Variants in SCN8A observed in about 807,000 individuals in gnomAD.
SCN8A encodes the protein sodium voltage-gated channel alpha subunit 8.
In SCN8A, 30 loss-of-function variants were observed where a neutral mutation model predicts 184.1. That is an observed-to-expected ratio of 0.16 (90% CI 0.12 to 0.22). The LOEUF is 0.22. SCN8A is among the 10% of genes least tolerant of loss of function. SCN8A has a pLI of 1.00. For synonymous variants in SCN8A, 852 were observed against 907.0 expected (o/e 0.94, Z 1.09); for missense variants, 1,057 against 2,498.9 (o/e 0.42, Z 12.30).
At chr12:51,700,973 T>C (rs1010653264) in intron 7 of SCN8A, among the ~76,000 whole-genome samples, 171 bp from the exon 8 acceptor site, 2 of 152,210 alleles carry the variant, frequency 1.3e-5, no homozygotes, top group African/African-American at 4.8e-5. Flanking sequence ...TAAATATATA[T>C]AAGAAAATCA....
At chr12:51,763,654 TGAAA>T (rs1268399422) in intron 15 of SCN8A, among the ~76,000 whole-genome samples, 19 of 152,236 alleles carry the variant, frequency 1.2e-4, no homozygotes, top group African/African-American at 4.3e-4. Context: ...AAAATGACTC[TGAAA>T]GAATAGTTAA....
chr12:51,714,414 ATATT>A (rs1941932589), intron 11 of SCN8A, among the ~76,000 whole-genome samples: 3 of 152,346 alleles, frequency 2.0e-5, no homozygotes, highest in African/African-American at 7.2e-5. Flanking sequence ...TTTTAAAACT[ATATT>A]TATTATTACC....
rs371263716 is a variant in SCN8A, at chr12:51,755,036, A to G, written c.2370+3443A>G. Among the ~76,000 whole-genome samples, 178 of 152,322 alleles carry G rather than the reference A, an allele frequency of 1.2e-3. No homozygotes were observed. In the Middle Eastern group the frequency reaches 0.014, roughly 12 times the overall value. ...TAGATTTTTGGAAACTGTGACTTTA[A>G]GCTAAATGATATACTGTATAACAAA... is the stretch of plus-strand genomic sequence containing the variant. On this transcript the variant is annotated intron_variant, in intron 14 of 26. Coordinates refer to ENST00000627620, the MANE Select transcript of SCN8A (RefSeq NM_001330260.2).
intron 1 of SCN8A, 35 bp from the exon 2 acceptor site, chr12:51,662,729 T>G: frequency 7.5e-7 from 1 of 1,326,580 alleles, no homozygotes; most frequent in Non-Finnish European, 1.0e-6. Flanking sequence ...AGAGCAGTGA[T>G]TGATTAATGC....
chr12:51,657,054 G>A (rs1208360869), intron 1 of SCN8A, among the ~76,000 whole-genome samples: 2 of 152,104 alleles, frequency 1.3e-5, no homozygotes, highest in Admixed American at 6.5e-5. Context: ...AAGTACATGT[G>A]TGTGCACTGT....
intron 20 of SCN8A, among the ~76,000 whole-genome samples, chr12:51,777,813 A>G (rs1169384522): frequency 6.6e-6 from 1 of 152,208 alleles, no homozygotes; most frequent in Non-Finnish European, 1.5e-5. Flanking sequence ...CTCAAAGCTT[A>G]GTTTCTTGCA....
intron 13 of SCN8A, among the ~76,000 whole-genome samples, chr12:51,746,500 C>T (rs781703447): frequency 1.5e-4 from 23 of 152,158 alleles, no homozygotes; most frequent in Non-Finnish European, 3.1e-4. Context: ...ATGTACTGTG[C>T]GTTTTGATTG....
rs201497362 is a variant in SCN8A at position 51,731,601 on chromosome 12, G to A, written c.1998+9693G>A. ...GGCATATACCCAGTAGTGGGATTCC[G>A]GATCGTAAGGTAGCTCTATTTTTAG... On this transcript the variant is annotated intron_variant, in intron 12 of 26. Transcript: ENST00000627620. 2.2e-4 allele frequency among the ~76,000 whole-genome samples: 34 copies of A among 152,130 alleles called. 7 individuals carry two copies. The highest frequency in any genetic ancestry group is 7.9e-4 in the African/African-American group (33 of 41,520).
chr12:51,647,069 C>T (rs1940606749), intron 1 of SCN8A, among the ~76,000 whole-genome samples: 1 of 152,128 alleles, frequency 6.6e-6, no homozygotes, highest in South Asian at 2.1e-4. Flanking sequence ...TAAGTACTAA[C>T]TTGGTGGCAT....
At chr12:51,739,927 A>G (rs1160428000) in intron 12 of SCN8A, among the ~76,000 whole-genome samples, 1 of 152,278 alleles carries the variant, frequency 6.6e-6, no homozygotes, top group African/African-American at 2.4e-5. Context: ...ACAGCAAACC[A>G]GTCATTAGCA....
chr12:51,680,015 C>CTT (rs1328868747), intron 2 of SCN8A, among the ~76,000 whole-genome samples: 1 of 151,956 alleles, frequency 6.6e-6, no homozygotes, highest in Non-Finnish European at 1.5e-5. Context: ...GACTATCTTG[C>CTT]TTTTCAAAAA....
At position 51,807,632 on chromosome 12, in the gene SCN8A, T is replaced by TA; in HGVS notation, c.*204dup. 1 of 612,652 alleles carries TA rather than the reference T, an allele frequency of 1.6e-6. No homozygotes were observed. 38.0% of individuals were successfully genotyped at this position (612,652 alleles called of 1,614,324 possible). A position where few individuals can be genotyped will look rare whatever the true frequency, so the allele number is the denominator to read the frequency against. On this transcript the variant is annotated 3_prime_UTR_variant, in exon 27 of 27. Transcript: ENST00000627620. This position sits in a 1 kb window ranked among gnomAD's most constrained non-coding sequence, Gnocchi z 4.5. ...GGCAAAGGACCCCGCTCCCTAGACTTACAGATTTTCTAATGCTTGGGCAGG... is the reference window on the plus strand; with the variant it reads ...GGCAAAGGACCCCGCTCCCTAGACTTAACAGATTTTCTAATGCTTGGGCAGG...
At chr12:51,606,580 T>C (rs777730824) in intron 1 of SCN8A, among the ~76,000 whole-genome samples, 1 of 152,196 alleles carries the variant, frequency 6.6e-6, no homozygotes, top group Non-Finnish European at 1.5e-5. Context: ...GGCTCTTTTT[T>C]GGTTCCATAT....
At chr12:51,743,954 T>C (rs372704536) in intron 12 of SCN8A, among the ~76,000 whole-genome samples, 1 of 152,284 alleles carries the variant, frequency 6.6e-6, no homozygotes, top group South Asian at 2.1e-4. Context: ...GTTGTATGTG[T>C]TGTTCGCCAC....
At chr12:51,599,764 G>C (rs761963462) in intron 1 of SCN8A, among the ~76,000 whole-genome samples, 1 of 152,106 alleles carries the variant, frequency 6.6e-6, no homozygotes, top group Non-Finnish European at 1.5e-5. Context: ...TAGTGTAGTG[G>C]TTATAAGGAT....
At chr12:51,645,067 G>C (rs1314601562) in intron 1 of SCN8A, among the ~76,000 whole-genome samples, 1 of 151,238 alleles carries the variant, frequency 6.6e-6, no homozygotes, top group African/African-American at 2.4e-5. Flanking sequence ...GCCCCGTCCG[G>C]GAGGGAGGTG....
rs930240738 is a variant in SCN8A, at chr12:51,770,387, T to C, written c.3491-142T>C. 9 of 968,178 alleles carry C rather than the reference T, an allele frequency of 9.3e-6. No homozygotes were observed. In the African/African-American group the frequency reaches 1.5e-4, roughly 16 times the overall value. The allele number at this position is 968,178 out of a possible 1,614,324, so 60.0% of individuals were successfully genotyped here. A position where few individuals can be genotyped will look rare whatever the true frequency, so the allele number is the denominator to read the frequency against. ...CCAGCCCTGCCACCCTCTCCATTTC[T>C]GAATCAGACATTCTGATTCAGCCAC... On this transcript the variant is annotated intron_variant, in intron 18 of 26. Coordinates refer to ENST00000627620, the MANE Select transcript of SCN8A (RefSeq NM_001330260.2).
chr12:51,676,837 G>A (rs553039748), intron 2 of SCN8A, among the ~76,000 whole-genome samples: 1 of 152,262 alleles, frequency 6.6e-6, no homozygotes, highest in Admixed American at 6.5e-5. Flanking sequence ...TCAGATGCCT[G>A]CAGATTACCT....
chr12:51,753,028 A>C (rs1800507027), intron 14 of SCN8A, among the ~76,000 whole-genome samples: 1 of 152,164 alleles, frequency 6.6e-6, no homozygotes, highest in African/African-American at 2.4e-5. Flanking sequence ...CTAGAACTCC[A>C]GTCAGACCAG....
Sources: allele counts gnomAD v4.1 joint callset (sites outside exome capture counted in the v4.1 genomes callset), GRCh38; gene constraint gnomAD v4.1.1; non-coding constraint Gnocchi (gnomAD v3.1); transcripts MANE v1.5; gene names NCBI Gene and HGNC (gene_info 2026-07-23, HGNC 2026-07-21).